TTC7A: variants seen among roughly 807,000 people sequenced by gnomAD.
TTC7A encodes tetratricopeptide repeat protein 7A.
A neutral mutation model predicts 103.7 loss-of-function variants in TTC7A; 110 were observed. The ratio of observed to expected loss-of-function variants is 1.06; its 90% CI spans 0.91 to 1.24. The LOEUF (loss-of-function observed/expected upper bound fraction) is 1.24, where lower values mean the gene tolerates loss of function less well. Ranked by LOEUF, TTC7A falls within the 50% of genes most tolerant of loss-of-function variation. The pLI is 0.00. For missense variants in TTC7A, 1,340 were observed against 1,116.3 expected (o/e 1.20, Z -2.86); for synonymous variants, 521 against 467.9 (o/e 1.11, Z -1.47).
intron 16 of TTC7A, among the ~76,000 whole-genome samples, chr2:47,047,907 A>C (rs1682491666): frequency 6.6e-6 from 1 of 152,140 alleles, no homozygotes; most frequent in African/African-American, 2.4e-5. Context: ...GTCTCCTGGG[A>C]AAGCCAGGAG....
chr2:47,009,625 A>G (rs1303409609), intron 10 of TTC7A, among the ~76,000 whole-genome samples: 2 of 152,114 alleles, frequency 1.3e-5, no homozygotes, highest in African/African-American at 4.8e-5. Flanking sequence ...TGCACCTGCC[A>G]GTTGCTCATA....
At chr2:46,961,904 G>A (rs1433591298) in intron 3 of TTC7A, among the ~76,000 whole-genome samples, 4 of 152,124 alleles carry the variant, frequency 2.6e-5, no homozygotes, top group Admixed American at 6.5e-5. Context: ...ACAAGACTCC[G>A]TCTCAGAAAA....
At chr2:46,984,471 G>A (rs2104316153) in intron 5 of TTC7A, among the ~76,000 whole-genome samples, 1 of 152,342 alleles carries the variant, frequency 6.6e-6, no homozygotes, top group African/African-American at 2.4e-5. Flanking sequence ...GAGGGTGTGA[G>A]GGTCCAATGA....
chr2:47,037,519 A>G (rs983914830), intron 15 of TTC7A, among the ~76,000 whole-genome samples: 1 of 152,244 alleles, frequency 6.6e-6, no homozygotes, highest in African/African-American at 2.4e-5. Flanking sequence ...CTAATGTGAA[A>G]GTTAGATGAT....
intron 2 of TTC7A, among the ~76,000 whole-genome samples, chr2:46,918,666 T>C (rs1668944096): frequency 1.3e-5 from 2 of 152,240 alleles, no homozygotes; most frequent in Admixed American, 6.5e-5. Context: ...TGGTGACCCT[T>C]ATAAGCCGTA....
At chr2:46,915,900 C>A (rs1161504195), upstream of TTC7A, 2 of 984,520 alleles carry the variant, frequency 2.0e-6, no homozygotes, top group African/African-American at 1.7e-5. Context: ...CTGGCGGCGG[C>A]GGGCTGTGAG....
chr2:46,937,291 C>T (rs577505928), upstream of TTC7A, among the ~76,000 whole-genome samples: 27 of 149,640 alleles, frequency 1.8e-4, 1 homozygote, highest in Middle Eastern at 0.024. This position sits in a 1 kb window ranked among gnomAD's most constrained non-coding sequence, Gnocchi z 4.0. Context: ...ACCCTATGCT[C>T]CTCCATCTCC....
intron 14 of TTC7A, among the ~76,000 whole-genome samples, chr2:47,025,896 G>A (rs1268723860): frequency 6.6e-6 from 1 of 152,144 alleles, no homozygotes; most frequent in Non-Finnish European, 1.5e-5. Context: ...TCCCCTCCCA[G>A]GAATACCAAC....
intron 15 of TTC7A, among the ~76,000 whole-genome samples, chr2:47,037,810 G>A (rs116431459): frequency 2.4e-3 from 362 of 152,332 alleles, no homozygotes; most frequent in Non-Finnish European, 4.2e-3. Context: ...ACGTAATGGG[G>A]ATTGGGGACT....
At chr2:46,973,107 G>A (rs984720064) in intron 3 of TTC7A, among the ~76,000 whole-genome samples, 4 of 152,120 alleles carry the variant, frequency 2.6e-5, no homozygotes, top group Non-Finnish European at 4.4e-5. Flanking sequence ...GCACCCCGAG[G>A]GGCTCTTTGA....
rs74975297 is a variant in TTC7A at position 46,991,789 on chromosome 2, A to G, written c.765-1661A>G. ...ACCTCACCCAGACTTGATGGTCTCT[A>G]AGGGGGCTGAGGTTCCCTGTCCTGC... On this transcript the variant is annotated intron_variant, in intron 5 of 19. Transcript: ENST00000319190. Among the ~76,000 whole-genome samples, 5 of 152,282 alleles carry G rather than the reference A, an allele frequency of 3.3e-5. No homozygotes were observed. The East Asian group carries it at 9.7e-4, about 29-fold the overall frequency.
intron 19 of TTC7A, among the ~76,000 whole-genome samples, chr2:47,064,949 A>G (rs1684067090): frequency 6.6e-6 from 1 of 152,254 alleles, no homozygotes; most frequent in Non-Finnish European, 1.5e-5. Flanking sequence ...CATGTATAAA[A>G]TGTATTCATG....
chr2:46,935,061 A>T (rs1669907458), intron 2 of TTC7A, among the ~76,000 whole-genome samples: 1 of 151,990 alleles, frequency 6.6e-6, no homozygotes, highest in Non-Finnish European at 1.5e-5. Flanking sequence ...GGCCTCCCAA[A>T]GTGTGGGGAT....
At chr2:47,044,587 T>G (rs1682107178) in intron 15 of TTC7A, among the ~76,000 whole-genome samples, 1 of 152,178 alleles carries the variant, frequency 6.6e-6, no homozygotes, top group African/African-American at 2.4e-5. Flanking sequence ...TAGTTCTATG[T>G]TCCAAGATGG....
chr2:47,016,890 A>C (rs1460792603), intron 11 of TTC7A, among the ~76,000 whole-genome samples: 1 of 152,096 alleles, frequency 6.6e-6, no homozygotes, highest in Admixed American at 6.5e-5. Context: ...TGGGCTGTGA[A>C]ATAGAACTCT....
chr2:46,927,968 A>G (rs1282052462), intron 2 of TTC7A, among the ~76,000 whole-genome samples: 1 of 131,542 alleles, frequency 7.6e-6, no homozygotes, highest in East Asian at 2.2e-4. Context: ...GTCATGGCTC[A>G]CTGCAGCCTC....
chr2:46,994,449 G>C lies in TTC7A; in HGVS notation c.936G>C (p.Met312Ile). ...TGTCCCACCCTCTGCCTGAGTTCAT[G>C]GGCAAGGAGGAGAGTTCTTTCGCCA... ...SPLSHPLPEF[M>I]GKEESSFATQ... Residue 312 changes from methionine to isoleucine, a missense_variant, in exon 7 of 20, where the codon ATG (methionine) becomes ATC (isoleucine). Transcript: ENST00000319190. The C allele has an allele frequency of 6.2e-7, 1 of 1,614,076 alleles. No individual in the cohort carries two copies. The highest frequency in any genetic ancestry group is 2.2e-5 in the East Asian group (1 of 44,876).
rs574731893 is a variant in TTC7A, at chr2:47,055,151, C to A, written c.2152+3271C>A. ...GCTAAGAATACAATCAGCATCCCCC[C>A]GCCAAACCCTGCCTAATGACTCCAC... On this transcript the variant is annotated intron_variant, in intron 18 of 19. Transcript: ENST00000319190. 3.1e-3 allele frequency among the ~76,000 whole-genome samples: 473 copies of A among 152,218 alleles called. 1 individual carries two copies. Among genetic ancestry groups the A allele is most frequent in the Non-Finnish European group, 5.0e-3 (342 of 68,012 alleles).
At chr2:46,923,983 G>A (rs547996989) in intron 2 of TTC7A, among the ~76,000 whole-genome samples, 6 of 151,890 alleles carry the variant, frequency 4.0e-5, no homozygotes, top group East Asian at 3.9e-4. Context: ...TGATCCACCC[G>A]CCTCGGCCTC....
Sources: allele counts gnomAD v4.1 joint callset (sites outside exome capture counted in the v4.1 genomes callset), GRCh38; gene constraint gnomAD v4.1.1; non-coding constraint Gnocchi (gnomAD v3.1); transcripts MANE v1.5; gene names NCBI Gene and HGNC (gene_info 2026-07-23, HGNC 2026-07-21).